Variants in THUMPD3 observed in about 807,000 individuals in gnomAD.
The protein encoded by THUMPD3 is THUMP domain 3 tRNA guanosine methyltransferase.
Under a neutral mutation model 54.5 loss-of-function variants are expected in THUMPD3, and 44 were observed. That is an observed-to-expected ratio of 0.81 (90% CI 0.63 to 1.04). THUMPD3 has a LOEUF of 1.04. Ranked by LOEUF, THUMPD3 falls within the 50% of genes least tolerant of loss-of-function variation. The pLI is 0.00. For synonymous variants in THUMPD3, 196 were observed against 201.4 expected (o/e 0.97, Z 0.23); for missense variants, 604 against 601.3 (o/e 1.00, Z -0.05).
At chr3:9,365,881 C>G (rs528179572) in intron 2 of THUMPD3, among the ~76,000 whole-genome samples, 16 of 152,156 alleles carry the variant, frequency 1.1e-4, no homozygotes, top group Admixed American at 9.8e-4. Context: ...TGAGCCACTG[C>G]GCTCGGCCTG....
intron 7 of THUMPD3, among the ~76,000 whole-genome samples, chr3:9,382,216 T>C (rs1008617105): frequency 2.0e-5 from 3 of 152,226 alleles, no homozygotes; most frequent in African/African-American, 7.2e-5. Flanking sequence ...ATTGCTTTTA[T>C]TGCATTTTTT....
chr3:9,379,631 C>A (rs1403433843), intron 6 of THUMPD3, among the ~76,000 whole-genome samples: 1 of 152,130 alleles, frequency 6.6e-6, no homozygotes, highest in Non-Finnish European at 1.5e-5. Flanking sequence ...TTTATAATTA[C>A]AAAATCCTTC....
chr3:9,376,782 A>G (rs2032488806), intron 5 of THUMPD3, among the ~76,000 whole-genome samples: 1 of 152,234 alleles, frequency 6.6e-6, no homozygotes. Context: ...ATAACAGTTA[A>G]GCCACTAACA....
At position 9,384,976 on chromosome 3, in the gene THUMPD3, C is replaced by G; in HGVS notation, c.*288C>G. The G allele has an allele frequency of 3.5e-6, 1 of 288,430 alleles. No individual in the cohort carries two copies. Among genetic ancestry groups the G allele is most frequent in the Non-Finnish European group, 6.7e-6 (1 of 149,428 alleles). The allele number at this position is 288,430 out of a possible 1,614,324, so 17.9% of individuals were successfully genotyped here. A position where few individuals can be genotyped will look rare whatever the true frequency, so the allele number is the denominator to read the frequency against. On this transcript the variant is annotated 3_prime_UTR_variant, in exon 10 of 10. Transcript: ENST00000452837. ...CCAACATGGTGAAACCCTGTCTCTA[C>G]TAGAAATACAAAAATTAGCCAGGTG...
Position 9,386,358 on chromosome 3 carries a change from C to CCA in THUMPD3, c.*1672_*1673dup, listed in dbSNP as rs1297023436. The CCA allele has an allele frequency of 3.3e-5, 5 of 151,792 alleles. No homozygotes were observed. Among genetic ancestry groups the CCA allele is most frequent in the African/African-American group, 4.8e-5 (2 of 41,358 alleles). 9.4% of individuals were successfully genotyped at this position (151,792 alleles called of 1,614,324 possible). On this transcript the variant is annotated 3_prime_UTR_variant, in exon 10 of 10. Transcript: ENST00000452837. ...AGTTCAAGGACCATGTCTGTTTTCA[C>CCA]CACGATGTCTTTCCCCACCCCCCCA...
chr3:9,365,627 C>G (rs1446818218), intron 2 of THUMPD3, among the ~76,000 whole-genome samples: 1 of 151,512 alleles, frequency 6.6e-6, no homozygotes, highest in African/African-American at 2.4e-5. Flanking sequence ...GAGTCTTGCT[C>G]TGTCATCAGG....
intron 9 of THUMPD3, 37 bp from the exon 10 acceptor site, chr3:9,384,487 T>C: frequency 6.2e-7 from 1 of 1,612,278 alleles, no homozygotes; most frequent in Non-Finnish European, 8.5e-7. Flanking sequence ...AAAAGTAGAT[T>C]GTCAACCTAA....
At position 9,384,239 on chromosome 3, in the gene THUMPD3, C is replaced by A; in HGVS notation, c.1263C>A (p.Asn421Lys). Residue 421 changes from asparagine (N) to lysine (K), a missense_variant, in exon 9 of 10, where the codon AAC becomes AAA. Coordinates refer to ENST00000452837, the MANE Select transcript of THUMPD3 (RefSeq NM_001114092.2). ...KRMGSKKRNW[N>K]LYPACLREMS... Reference sequence around the variant, plus strand: ...TGGGATCCAAGAAGAGAAACTGGAACCTTTATCCAGCTTGCCTACGGGAGA... The same window carrying A: ...TGGGATCCAAGAAGAGAAACTGGAAACTTTATCCAGCTTGCCTACGGGAGA... The A allele has an allele frequency of 1.9e-6, 3 of 1,614,136 alleles. No individual in the cohort carries two copies. The highest frequency in any genetic ancestry group is 2.5e-6 in the Non-Finnish European group (3 of 1,180,006).
At chr3:9,372,743 C>A (rs959051739) in intron 4 of THUMPD3, among the ~76,000 whole-genome samples, 1 of 152,116 alleles carries the variant, frequency 6.6e-6, no homozygotes, top group Non-Finnish European at 1.5e-5. Flanking sequence ...TGGTCTTAAT[C>A]CTCTTTTATC....
chr3:9,365,812 G>A (rs1035862948), intron 2 of THUMPD3, among the ~76,000 whole-genome samples: 4 of 151,950 alleles, frequency 2.6e-5, no homozygotes, highest in African/African-American at 7.3e-5. Flanking sequence ...GGCTGGTCTC[G>A]AACTCCTAAC....
Position 9,366,963 on chromosome 3 carries a change from A to AT in THUMPD3, c.310dup (p.Tyr104LeufsTer15), listed in dbSNP as rs1559299399. The stretch of plus-strand genomic sequence containing the variant: ...TTTGTGGTGGTTCAGGAGTTTCAAG[A>AT]TTACCAGTTCAAACAAACAAAGGTG... On this transcript the variant is annotated frameshift_variant, in exon 3 of 10. Coordinates refer to ENST00000452837, the MANE Select transcript of THUMPD3 (RefSeq NM_001114092.2). LOFTEE classifies it high-confidence loss of function. 6.2e-7 allele frequency: 1 copy of AT among 1,613,644 alleles called. No individual in the cohort carries two copies.
At chr3:9,367,847 T>A (rs2031685818) in intron 3 of THUMPD3, among the ~76,000 whole-genome samples, 1 of 151,960 alleles carries the variant, frequency 6.6e-6, no homozygotes, top group Non-Finnish European at 1.5e-5. Flanking sequence ...GGGTGGATCA[T>A]GAGGTCAGGA....
intron 2 of THUMPD3, among the ~76,000 whole-genome samples, chr3:9,365,680 C>T (rs1055237235): frequency 5.9e-5 from 9 of 152,028 alleles, no homozygotes; most frequent in African/African-American, 2.2e-4. Context: ...CAACCTCCGC[C>T]TCCCAGGTTC....
chr3:9,369,448 T>G (rs2031855509), intron 3 of THUMPD3, among the ~76,000 whole-genome samples: 1 of 152,124 alleles, frequency 6.6e-6, no homozygotes, highest in Admixed American at 6.5e-5. Flanking sequence ...TTAAAATAAT[T>G]TATACATGAA....
intron 8 of THUMPD3, 77 bp from the exon 9 acceptor site, chr3:9,384,134 GA>G: frequency 3.3e-6 from 5 of 1,509,468 alleles, no homozygotes; most frequent in Non-Finnish European, 4.5e-6. Flanking sequence ...CAGGATGCAT[GA>G]AACTGTTTTT....
intron 4 of THUMPD3, among the ~76,000 whole-genome samples, chr3:9,373,910 T>G (rs544951563): frequency 2.0e-4 from 30 of 152,342 alleles, no homozygotes; most frequent in Admixed American, 1.6e-3. Flanking sequence ...ACTTTACCAA[T>G]TTTTAAAACT....
chr3:9,375,902 A>T (rs1255156842), intron 5 of THUMPD3, among the ~76,000 whole-genome samples: 3 of 152,238 alleles, frequency 2.0e-5, no homozygotes, highest in African/African-American at 7.2e-5. Context: ...TAATTACTGC[A>T]TTCATATATT....
intron 7 of THUMPD3, among the ~76,000 whole-genome samples, chr3:9,381,576 T>C (rs1004460118): frequency 1.3e-5 from 2 of 151,872 alleles, no homozygotes; most frequent in African/African-American, 4.8e-5. Flanking sequence ...TACTGATTTA[T>C]TGTGATGAAT....
Position 9,384,686 on chromosome 3 carries a change from TGAA to T in THUMPD3, c.*1_*3del. On this transcript the variant is annotated stop_retained_variant and 3_prime_UTR_variant, in exon 10 of 10. Transcript: ENST00000452837. ...AGGAACTCTTTGGCAATGCAAAGAATGAAGATGACTAATAGTACTTGTACTTCC... is the reference window on the plus strand; with the variant it reads ...AGGAACTCTTTGGCAATGCAAAGAATGATGACTAATAGTACTTGTACTTCC... The T allele has an allele frequency of 6.2e-7, 1 of 1,614,162 alleles. No individual in the cohort carries two copies.
Sources: gnomAD v4.1 joint callset for allele counts (sites outside exome capture counted in the v4.1 genomes callset) on GRCh38, gnomAD v4.1.1 for gene constraint, MANE v1.5 for transcripts, NCBI Gene and HGNC (gene_info 2026-07-23, HGNC 2026-07-21) for gene names.